Variants in DUSP5 observed in about 807,000 individuals in gnomAD.
DUSP5 encodes dual specificity protein phosphatase 5.
A neutral mutation model predicts 33.6 loss-of-function variants in DUSP5; 22 were observed. The observed-to-expected ratio is 0.66, with a 90% CI of 0.47 to 0.94. The LOEUF (loss-of-function observed/expected upper bound fraction) is 0.94, where lower values mean the gene tolerates loss of function less well. Ranked by LOEUF, DUSP5 falls within the 40% of genes least tolerant of loss-of-function variation. The pLI, the probability that DUSP5 is intolerant of heterozygous loss-of-function variation, is 0.00. For synonymous variants in DUSP5, 270 were observed against 231.1 expected (o/e 1.17, Z -1.53); for missense variants, 551 against 522.1 (o/e 1.06, Z -0.54).
chr10:110,504,934 A>C (rs1237100104), intron 2 of DUSP5, among the ~76,000 whole-genome samples: 1 of 152,232 alleles, frequency 6.6e-6, no homozygotes, highest in Non-Finnish European at 1.5e-5. Flanking sequence ...CCAAGATCAC[A>C]TCAGGTAGTA....
At chr10:110,499,858 G>C (rs765829265) in intron 1 of DUSP5, among the ~76,000 whole-genome samples, 4 of 152,088 alleles carry the variant, frequency 2.6e-5, no homozygotes, top group Non-Finnish European at 4.4e-5. Flanking sequence ...TATGAAAGAG[G>C]TTCCAGGAGA....
In DUSP5 at chr10:110,502,808, C is replaced by T; in HGVS notation, c.467C>T (p.Ala156Val). 1 of 1,614,116 alleles carries T rather than the reference C, an allele frequency of 6.2e-7. No homozygotes were observed. Among genetic ancestry groups the T allele is most frequent in the Non-Finnish European group, 8.5e-7 (1 of 1,180,008 alleles). ...ISQEKIESER[A>V]LISQCGKPVV... ...CAAGAGAAGATTGAGAGTGAGAGAG[C>T]CCTCATCAGCCAGTGTGGAAAACCA... Residue 156 changes from alanine (A) to valine (V), a missense_variant, in exon 2 of 4, where the codon GCC becomes GTC. This residue lies in a region of DUSP5 where 381 missense variants were observed against 310.4 expected (regional missense o/e 1.23). Transcript: ENST00000369583.
intron 2 of DUSP5, among the ~76,000 whole-genome samples, chr10:110,505,216 G>A (rs532458872): frequency 2.0e-5 from 3 of 152,318 alleles, no homozygotes; most frequent in South Asian, 4.1e-4. Flanking sequence ...CTCATGCTAC[G>A]CAATCAGTTT....
chr10:110,510,419 C>A lies in DUSP5; in HGVS notation c.1148C>A (p.Ser383Tyr), dbSNP rs747409647. 6.3e-7 allele frequency: 1 copy of A among 1,583,212 alleles called. No homozygotes were observed. Among genetic ancestry groups the A allele is most frequent in the Admixed American group, 1.8e-5 (1 of 56,014 alleles). The change falls in exon 4 of 4, where the codon TCC becomes TAC. Residue 383 changes from serine to tyrosine, a missense_variant. Transcript: ENST00000369583. ...AGAAGCCCTGTGGCAACGGCCACATCCTGCTAAAACTGGGATGGAGGAATC... is the reference window on the plus strand; with the variant it reads ...AGAAGCCCTGTGGCAACGGCCACATACTGCTAAAACTGGGATGGAGGAATC... ...LSRSPVATAT[S>Y]C is the part of the protein sequence containing the mutation.
rs115244111 is a variant in DUSP5 at position 110,501,956 on chromosome 10, C to A, written c.380-765C>A. Among the ~76,000 whole-genome samples, 809 of 139,628 alleles carry A rather than the reference C, an allele frequency of 5.8e-3. 8 individuals carry two copies. Among genetic ancestry groups the A allele is most frequent in the African/African-American group, 0.021 (770 of 37,208 alleles). 91.6% of individuals were successfully genotyped at this position (139,628 alleles called of 152,430 possible). On this transcript the variant is annotated intron_variant, in intron 1 of 3. Transcript: ENST00000369583. ...GAGAGTCACACATGCCGTAAGTTGA[C>A]TTATTGATTGGGGGGGGGGTGCAGG...
chr10:110,511,455 T>C lies in DUSP5; in HGVS notation c.*1029T>C, dbSNP rs1283181859. ...AGGCAATAATTTTCTAAGACCCGTG[T>C]GAATGTGAAGAAAAGCAGTATGTTA... On this transcript the variant is annotated 3_prime_UTR_variant, in exon 4 of 4. Transcript: ENST00000369583. 6.6e-6 allele frequency: 1 copy of C among 152,648 alleles called. No individual in the cohort carries two copies. Among genetic ancestry groups the C allele is most frequent in the African/African-American group, 2.4e-5 (1 of 41,448 alleles). The allele number at this position is 152,648 out of a possible 1,614,324, so 9.5% of individuals were successfully genotyped here. A position where few individuals can be genotyped will look rare whatever the true frequency, so the allele number is the denominator to read the frequency against.
Position 110,510,193 on chromosome 10 carries a change from G to A in DUSP5, c.922G>A (p.Gly308Ser), listed in dbSNP as rs563414179. The A allele has an allele frequency of 1.5e-5, 24 of 1,614,064 alleles. No individual in the cohort carries two copies. The highest frequency in any genetic ancestry group is 1.9e-5 in the Non-Finnish European group (23 of 1,180,036). ...SMVSPNFGFM[G>S]QLLQYESEIL... ...GGTCTCGCCCAACTTTGGCTTCATG[G>A]GCCAGCTCCTGCAGTACGAATCTGA... The change falls in exon 4 of 4, where the codon GGC (glycine) becomes AGC (serine). Residue 308 changes from glycine to serine, a missense_variant. Gly to Ser is a moderately conservative substitution (Grantham distance 56, BLOSUM62 0). Transcript: ENST00000369583.
In DUSP5 at chr10:110,498,488, T is replaced by G; in HGVS notation, c.367T>G (p.Tyr123Asp). Residue 123 changes from tyrosine (Y) to aspartate (D), a missense_variant, in exon 1 of 4, where the codon TAC becomes GAC. By Grantham distance (160) the Tyr-to-Asp change is radical. This residue lies in a region of DUSP5 where 381 missense variants were observed against 310.4 expected (regional missense o/e 1.23). Transcript: ENST00000369583. ...TTGCCTACCCGCCGGCCCGCGGGTCTACTTCCTCAAAGGTGAGCGCTCGGG... is the reference window on the plus strand; with the variant it reads ...TTGCCTACCCGCCGGCCCGCGGGTCGACTTCCTCAAAGGTGAGCGCTCGGG... ...LACLPAGPRV[Y>D]FLKGGYETFY... The G allele has an allele frequency of 6.5e-7, 1 of 1,537,974 alleles. No homozygotes were observed. The highest frequency in any genetic ancestry group is 8.7e-7 in the Non-Finnish European group (1 of 1,151,350).
rs778351910 is a variant in DUSP5, at chr10:110,510,069, G to A, written c.798G>A (p.Gly266=). ...GGKVLVHCEA[G]ISRSPTICMA... ...AGGTCCTGGTCCACTGTGAGGCTGG[G>A]ATCTCCCGTTCACCCACCATCTGCA... The change falls in exon 4 of 4, where the codon GGG becomes GGA. Residue 266 remains glycine, a synonymous_variant. Coordinates refer to ENST00000369583, the MANE Select transcript of DUSP5 (RefSeq NM_004419.4). 1.3e-5 allele frequency: 21 copies of A among 1,613,396 alleles called. No individual in the cohort carries two copies. The highest frequency in any genetic ancestry group is 1.6e-5 in the Non-Finnish European group (19 of 1,179,542).
chr10:110,498,936 C>A (rs1274392271), intron 1 of DUSP5, among the ~76,000 whole-genome samples: 1 of 152,174 alleles, frequency 6.6e-6, no homozygotes, highest in Non-Finnish European at 1.5e-5. Context: ...GTGGTGCCCC[C>A]CTTCCTCCCG....
chr10:110,501,946 C>T (rs1051528297), intron 1 of DUSP5, among the ~76,000 whole-genome samples: 3 of 142,754 alleles, frequency 2.1e-5, no homozygotes, highest in Non-Finnish European at 3.0e-5. Flanking sequence ...TCACACATGC[C>T]GTAAGTTGAC....
chr10:110,499,285 G>C (rs913420230), intron 1 of DUSP5, among the ~76,000 whole-genome samples: 2 of 152,284 alleles, frequency 1.3e-5, no homozygotes, highest in East Asian at 3.9e-4. Flanking sequence ...TTCACCTGCC[G>C]GGAAGATAAC....
chr10:110,506,834 C>A, intron 2 of DUSP5, 101 bp from the exon 3 acceptor site: 1 of 1,291,384 alleles, frequency 7.7e-7, no homozygotes, highest in Non-Finnish European at 1.1e-6. Context: ...AGAAAGGGAA[C>A]CACCCATCTT....
chr10:110,509,878 C>CAGA (rs1463989526), intron 3 of DUSP5, 142 bp from the exon 4 acceptor site: 4 of 1,136,210 alleles, frequency 3.5e-6, no homozygotes. Flanking sequence ...TAAAGACTGG[C>CAGA]AGAAGTGTAG....
intron 3 of DUSP5, 141 bp downstream of exon 3, chr10:110,507,295 T>C: frequency 1.2e-6 from 1 of 828,418 alleles, no homozygotes; most frequent in East Asian, 2.7e-5. Context: ...GGAGCCAACA[T>C]GGGATGCAGC....
intron 1 of DUSP5, among the ~76,000 whole-genome samples, chr10:110,498,963 C>T (rs1315013787): frequency 1.3e-5 from 2 of 152,210 alleles, no homozygotes; most frequent in Non-Finnish European, 1.5e-5. Flanking sequence ...CAGCTGTGGT[C>T]TTCACCGACC....
intron 3 of DUSP5, 137 bp from the exon 4 acceptor site, chr10:110,509,883 G>T (rs1020746882): frequency 2.6e-6 from 3 of 1,172,788 alleles, no homozygotes; most frequent in African/African-American, 3.1e-5. Context: ...ACTGGCAGAA[G>T]TGTAGTGTAG....
chr10:110,499,206 A>G (rs1414722183), intron 1 of DUSP5, among the ~76,000 whole-genome samples: 1 of 152,042 alleles, frequency 6.6e-6, no homozygotes. Flanking sequence ...GCGCGGGGGC[A>G]GGGTGGTATG....
intron 1 of DUSP5, among the ~76,000 whole-genome samples, chr10:110,500,643 TTA>T (rs1860033656): frequency 6.6e-6 from 1 of 152,182 alleles, no homozygotes; most frequent in Non-Finnish European, 1.5e-5. Context: ...CAGTGCTTAT[TTA>T]TATATAGTAT....
Sources: gnomAD v4.1 joint callset for allele counts (sites outside exome capture counted in the v4.1 genomes callset) on GRCh38, gnomAD v4.1.1 for gene constraint, gnomAD v4.1.1 regional missense constraint, MANE v1.5 for transcripts, NCBI Gene and HGNC (gene_info 2026-07-23, HGNC 2026-07-21) for gene names.